The following NXPH2 variants were observed in gnomAD, a reference collection of about 807,000 sequenced individuals.
NXPH2 encodes neurexophilin 2.
A neutral mutation model predicts 19.8 loss-of-function variants in NXPH2; 5 were observed. That is an observed-to-expected ratio of 0.25 (90% confidence interval 0.13 to 0.53). The LOEUF (loss-of-function observed/expected upper bound fraction) is 0.53. Ranked by LOEUF, NXPH2 falls within the 20% of genes least tolerant of loss-of-function variation. The pLI, the probability that NXPH2 is intolerant of heterozygous loss-of-function variation, is 0.96. For missense variants in NXPH2, 289 were observed against 322.8 expected, an observed-to-expected ratio of 0.90 and a Z score of 0.80; for synonymous variants, 154 against 127.4, an observed-to-expected ratio of 1.21 and a Z score of -1.41.
intron 1 of NXPH2, among the ~76,000 whole-genome samples, chr2:138,778,155 G>C (rs1005905742): frequency 4.6e-5 from 7 of 152,282 alleles, no homozygotes; most frequent in African/African-American, 1.7e-4. Context: ...TATAAGGCTG[G>C]CAACAGCTCT....
chr2:138,714,699 T>A (rs747282113), intron 1 of NXPH2, among the ~76,000 whole-genome samples: 2 of 152,228 alleles, frequency 1.3e-5, no homozygotes, highest in Non-Finnish European at 2.9e-5. Flanking sequence ...GTTAATTTCA[T>A]TGAATTACTT....
chr2:138,778,895 T>C lies in NXPH2; in HGVS notation c.51+1296A>G, dbSNP rs1326330311. 2.0e-5 allele frequency among the ~76,000 whole-genome samples: 3 copies of C among 152,338 alleles called. No homozygotes were observed. The East Asian group carries it at 5.8e-4, about 29-fold the overall frequency. Reference sequence around the variant, plus strand: ...TCATTGCATTTTCTTCTTGATGCCATTGAAGAGTTTCTGAGTTAACGCTGT... The same window carrying C: ...TCATTGCATTTTCTTCTTGATGCCACTGAAGAGTTTCTGAGTTAACGCTGT... On this transcript the variant is annotated intron_variant, in intron 1 of 1. Coordinates refer to ENST00000272641, the MANE Select transcript of NXPH2 (RefSeq NM_007226.3).
Position 138,669,928 on chromosome 2 carries a change from G to A in NXPH2, c.*994C>T, listed in dbSNP as rs533904094. 5.6e-4 allele frequency among the ~76,000 whole-genome samples: 85 copies of A among 152,268 alleles called. No individual in the cohort carries two copies. Among genetic ancestry groups the A allele is most frequent in the African/African-American group, 2.0e-3 (83 of 41,566 alleles). On this transcript the variant is annotated 3_prime_UTR_variant, in exon 2 of 2. Coordinates refer to ENST00000272641, the MANE Select transcript of NXPH2 (RefSeq NM_007226.3). The stretch of plus-strand genomic sequence containing the variant: ...TCTCTTATTCAAATATTAACTAAAT[G>A]CAAGGGGAACTTAATCTGGGAGGCT...
rs574867955 is a variant in NXPH2, at chr2:138,679,330, T to C, written c.52-7665A>G. Among the ~76,000 whole-genome samples, 5 of 152,134 alleles carry C rather than the reference T, an allele frequency of 3.3e-5. No homozygotes were observed. The East Asian group carries it at 9.7e-4, about 29-fold the overall frequency. The stretch of plus-strand genomic sequence containing the variant: ...GTCCTAGGCCAGTGTTTAGCAAGTC[T>C]AAATGACAAGTTTATTAGCACATAT... On this transcript the variant is annotated intron_variant, in intron 1 of 1. Transcript: ENST00000272641.
chr2:138,736,372 T>C (rs10180968), intron 1 of NXPH2, among the ~76,000 whole-genome samples: 137,411 of 152,318 alleles, frequency 0.9, 62,395 homozygotes, highest in East Asian at 0.99. Flanking sequence ...CACTTGTAGG[T>C]TCAACACTAT....
intron 1 of NXPH2, among the ~76,000 whole-genome samples, chr2:138,726,640 T>C (rs1191066316): frequency 6.6e-6 from 1 of 152,022 alleles, no homozygotes; most frequent in African/African-American, 2.4e-5. Context: ...GGCTTTATTT[T>C]ATAGAGCAGT....
At chr2:138,708,910 G>T (rs557561907) in intron 1 of NXPH2, among the ~76,000 whole-genome samples, 2 of 152,298 alleles carry the variant, frequency 1.3e-5, no homozygotes, top group African/African-American at 4.8e-5. Context: ...ACAAACTTAA[G>T]CTGTGTCCAT....
intron 1 of NXPH2, 60 bp downstream of exon 1, chr2:138,780,131 C>G (rs1682328217): frequency 6.9e-7 from 1 of 1,445,366 alleles, no homozygotes; most frequent in South Asian, 1.4e-5. Flanking sequence ...GCCGCCTGCG[C>G]GGTTTTCCCG....
chr2:138,755,015 A>G (rs1369295666), intron 1 of NXPH2, among the ~76,000 whole-genome samples: 1 of 152,166 alleles, frequency 6.6e-6, no homozygotes, highest in Non-Finnish European at 1.5e-5. Context: ...TACATCTTCT[A>G]TGATTAGGTA....
At chr2:138,746,858 C>T (rs1681745348) in intron 1 of NXPH2, among the ~76,000 whole-genome samples, 1 of 152,038 alleles carries the variant, frequency 6.6e-6, no homozygotes, top group South Asian at 2.1e-4. Context: ...AAAGAAATTT[C>T]CTATAAAAAA....
At chr2:138,711,453 A>G (rs191689583) in intron 1 of NXPH2, among the ~76,000 whole-genome samples, 2 of 152,054 alleles carry the variant, frequency 1.3e-5, no homozygotes, top group African/African-American at 4.8e-5. Context: ...TGTCACTCTT[A>G]TACCTTCCTT....
chr2:138,702,460 A>G (rs1410076295), intron 1 of NXPH2, among the ~76,000 whole-genome samples: 1 of 152,124 alleles, frequency 6.6e-6, no homozygotes. Flanking sequence ...TTAGGTCCTG[A>G]CTTGAATAAA....
intron 1 of NXPH2, among the ~76,000 whole-genome samples, chr2:138,692,681 G>C (rs1005882154): frequency 6.6e-6 from 1 of 152,112 alleles, no homozygotes; most frequent in Non-Finnish European, 1.5e-5. Flanking sequence ...AGCATATTTG[G>C]TCTTTAGATA....
At chr2:138,682,490 C>G (rs1413729806) in intron 1 of NXPH2, among the ~76,000 whole-genome samples, 1 of 152,136 alleles carries the variant, frequency 6.6e-6, no homozygotes, top group African/African-American at 2.4e-5. Flanking sequence ...TATCAATGTA[C>G]TAATTGTACC....
chr2:138,760,801 A>G (rs1681999527), intron 1 of NXPH2, among the ~76,000 whole-genome samples: 1 of 152,200 alleles, frequency 6.6e-6, no homozygotes, highest in Admixed American at 6.5e-5. Flanking sequence ...TTCTTAGATT[A>G]AAATACCAGA....
At chr2:138,696,363 A>G (rs886745788) in intron 1 of NXPH2, among the ~76,000 whole-genome samples, 2 of 152,236 alleles carry the variant, frequency 1.3e-5, no homozygotes, top group Non-Finnish European at 2.9e-5. Context: ...TATATCTAAA[A>G]TATAATAAAG....
intron 1 of NXPH2, among the ~76,000 whole-genome samples, chr2:138,754,550 T>C (rs1170809268): frequency 6.6e-6 from 1 of 152,212 alleles, no homozygotes; most frequent in East Asian, 1.9e-4. Flanking sequence ...TAGTATTTCA[T>C]TGTATGAAGG....
chr2:138,716,436 C>T (rs1681196253), intron 1 of NXPH2, among the ~76,000 whole-genome samples: 1 of 152,148 alleles, frequency 6.6e-6, no homozygotes, highest in Non-Finnish European at 1.5e-5. Context: ...CGGCCATCTG[C>T]AAAGCAGGAA....
chr2:138,758,740 T>A (rs1361815855), intron 1 of NXPH2, among the ~76,000 whole-genome samples: 1 of 152,226 alleles, frequency 6.6e-6, no homozygotes, highest in Non-Finnish European at 1.5e-5. Context: ...GTTGACCATG[T>A]CTGGAGAAAT....
Sources: allele counts gnomAD v4.1 joint callset (sites outside exome capture counted in the v4.1 genomes callset), GRCh38; gene constraint gnomAD v4.1.1; transcripts MANE v1.5; gene names NCBI Gene and HGNC (gene_info 2026-07-23, HGNC 2026-07-21).